ZNF609: variants seen among roughly 807,000 people sequenced by gnomAD.
ZNF609 encodes the protein zinc finger protein 609.
ZNF609 carries 11 observed loss-of-function variants against 109.5 expected under a neutral mutation model. That is an observed-to-expected ratio of 0.10 (90% CI 0.06 to 0.17). ZNF609 has a LOEUF of 0.17. Among genes scored for constraint, ZNF609 ranks in the 10% least tolerant of loss-of-function variants. ZNF609 has a pLI of 1.00. For missense variants in ZNF609, 1,559 were observed against 1,772.4 expected (o/e 0.88, Z 2.16); for synonymous variants, 646 against 662.0 (o/e 0.98, Z 0.37).
intron 2 of ZNF609, among the ~76,000 whole-genome samples, chr15:64,506,075 A>G (rs1206646364): frequency 6.6e-6 from 1 of 152,196 alleles, no homozygotes; most frequent in African/African-American, 2.4e-5. Context: ...AGTGATCTTG[A>G]CCAAGTTTCT....
rs372703964 is a variant in ZNF609, at chr15:64,675,598, G to A, written c.2744G>A (p.Ser915Asn). 5.6e-6 allele frequency: 9 copies of A among 1,614,114 alleles called. No individual in the cohort carries two copies. Among genetic ancestry groups the A allele is most frequent in the African/African-American group, 4.0e-5 (3 of 75,060 alleles). ...QSSPGALNPS[S>N]QAGVESQALK... is the part of the protein sequence containing the mutation. Reference sequence around the variant, plus strand: ...AGCCCTGGGGCTCTGAACCCCAGCAGCCAGGCAGGAGTGGAGAGCCAGGCC... The same window carrying A: ...AGCCCTGGGGCTCTGAACCCCAGCAACCAGGCAGGAGTGGAGAGCCAGGCC... Residue 915 changes from serine (S) to asparagine (N), a missense_variant, in exon 5 of 10, where the codon AGC (serine) becomes AAC (asparagine). Around this residue, in one of 4 missense-constraint regions of ZNF609, gnomAD observed 1,204 missense variants for 1,314.1 expected, o/e 0.92. Transcript: ENST00000326648.
At chr15:64,599,783 A>G (rs1261885515) in intron 2 of ZNF609, among the ~76,000 whole-genome samples, 1 of 152,162 alleles carries the variant, frequency 6.6e-6, no homozygotes, top group Admixed American at 6.6e-5. Flanking sequence ...TCTTTAACCA[A>G]ACCAAGCAGC....
intron 2 of ZNF609, among the ~76,000 whole-genome samples, chr15:64,513,100 A>G (rs778270868): frequency 8.5e-5 from 13 of 152,178 alleles, no homozygotes; most frequent in Non-Finnish European, 1.8e-4. Flanking sequence ...TTACCTATCT[A>G]TCTTCTCAGA....
chr15:64,609,134 T>TCTTTCTTTCTTTCTTTC (rs1895672243), intron 2 of ZNF609, among the ~76,000 whole-genome samples: 1 of 145,058 alleles, frequency 6.9e-6, no homozygotes, highest in East Asian at 2.0e-4. Flanking sequence ...CTTTCTTTTT[T>TCTTTCTTTCTTTCTTTC]TCTTTCTTTT....
At chr15:64,645,105 C>CCCTTCCTTCCTTCCTTCCTTCCTT (rs71133464) in intron 3 of ZNF609, among the ~76,000 whole-genome samples, 1 of 90,790 alleles carries the variant, frequency 1.1e-5, no homozygotes, top group African/African-American at 5.1e-5. Flanking sequence ...CTCCCTCCCT[C>CCCTTCCTTCCTTCCTTCCTTCCTT]CCTTCCTTCC....
chr15:64,517,772 A>C (rs905326145), intron 2 of ZNF609, among the ~76,000 whole-genome samples: 2 of 151,104 alleles, frequency 1.3e-5, no homozygotes, highest in Non-Finnish European at 2.9e-5. Context: ...ATATATAAAT[A>C]AAAATTATAC....
intron 2 of ZNF609, among the ~76,000 whole-genome samples, chr15:64,544,966 T>C (rs920457088): frequency 1.6e-4 from 25 of 152,302 alleles, no homozygotes; most frequent in African/African-American, 5.8e-4. Flanking sequence ...AGCAATGGTT[T>C]CCCTATTATG....
At position 64,535,194 on chromosome 15, in the gene ZNF609, G is replaced by A. The variant is rs144133440; in HGVS notation, c.747+35028G>A. Among the ~76,000 whole-genome samples, 14 of 152,102 alleles carry A rather than the reference G, an allele frequency of 9.2e-5. No homozygotes were observed. In the East Asian group the frequency reaches 1.9e-3, roughly 21 times the overall value. On this transcript the variant is annotated intron_variant, in intron 2 of 9. Transcript: ENST00000326648. ...GCCTCAACCTCCCAAGTAGCTAGGC[G>A]CATGCCACCACCCCTGATTAATTTT... is the stretch of plus-strand genomic sequence containing the variant.
chr15:64,464,146 C>T (rs1476288808), intron 1 of ZNF609, among the ~76,000 whole-genome samples: 1 of 152,142 alleles, frequency 6.6e-6, no homozygotes, highest in Non-Finnish European at 1.5e-5. Context: ...ATAATTTTGG[C>T]TCCTGGTAGC....
chr15:64,498,453 A>G (rs1893513999), intron 1 of ZNF609, among the ~76,000 whole-genome samples: 1 of 152,198 alleles, frequency 6.6e-6, no homozygotes, highest in African/African-American at 2.4e-5. Flanking sequence ...TGCCATCAGT[A>G]TTACATGAGA....
chr15:64,661,671 C>T (rs961523636), intron 3 of ZNF609, among the ~76,000 whole-genome samples: 1 of 152,166 alleles, frequency 6.6e-6, no homozygotes, highest in Non-Finnish European at 1.5e-5. Flanking sequence ...TGAGGGCAAG[C>T]ATCTGGCCTT....
chr15:64,478,271 G>A (rs1472113434), intron 1 of ZNF609, among the ~76,000 whole-genome samples: 2 of 151,588 alleles, frequency 1.3e-5, no homozygotes, highest in Non-Finnish European at 2.9e-5. Context: ...GTGATCATAA[G>A]TGTGCCATGG....
chr15:64,580,002 T>C (rs930036595), intron 2 of ZNF609, among the ~76,000 whole-genome samples: 3 of 152,232 alleles, frequency 2.0e-5, no homozygotes, highest in Non-Finnish European at 4.4e-5. Context: ...AGAGATTTTA[T>C]AGATGTGATT....
chr15:64,657,662 G>A (rs985880412), intron 3 of ZNF609, among the ~76,000 whole-genome samples: 2 of 152,082 alleles, frequency 1.3e-5, no homozygotes, highest in Admixed American at 6.6e-5. Context: ...ATAGTTTACC[G>A]CCTGGATTGA....
intron 3 of ZNF609, among the ~76,000 whole-genome samples, chr15:64,630,235 C>G (rs1235353832): frequency 1.3e-5 from 2 of 151,790 alleles, no homozygotes; most frequent in Non-Finnish European, 2.9e-5. Flanking sequence ...CCACACCCAG[C>G]TAATTTTTGT....
chr15:64,573,752 A>G (rs1894902512), intron 2 of ZNF609, among the ~76,000 whole-genome samples: 1 of 152,080 alleles, frequency 6.6e-6, no homozygotes, highest in Non-Finnish European at 1.5e-5. Flanking sequence ...CTTTGCCTGC[A>G]TATGTGGGTT....
rs192788891 is a variant in ZNF609 at position 64,596,113 on chromosome 15, A to T, written c.748-26714A>T. Among the ~76,000 whole-genome samples the T allele has an allele frequency of 3.3e-5, 5 of 152,266 alleles. No homozygotes were observed. In the East Asian group the frequency reaches 9.6e-4, roughly 29 times the overall value. On this transcript the variant is annotated intron_variant, in intron 2 of 9. Transcript: ENST00000326648. ...TCCATGGTGTGTCTAGTAATATGAA[A>T]TGAAATATGGACCTCAAATATATAA... is the stretch of plus-strand genomic sequence containing the variant.
At chr15:64,519,869 C>T (rs965580122) in intron 2 of ZNF609, among the ~76,000 whole-genome samples, 1 of 152,108 alleles carries the variant, frequency 6.6e-6, no homozygotes, top group African/African-American at 2.4e-5. Context: ...ATTACCTCTC[C>T]GTATCTCATT....
intron 2 of ZNF609, among the ~76,000 whole-genome samples, chr15:64,527,330 A>G (rs1443435968): frequency 1.4e-5 from 2 of 148,010 alleles, no homozygotes; most frequent in East Asian, 3.9e-4. Flanking sequence ...TTTCTTCTGT[A>G]AAGATGGAGG....
Sources: allele counts gnomAD v4.1 joint callset (sites outside exome capture counted in the v4.1 genomes callset), GRCh38; gene constraint gnomAD v4.1.1; regional missense constraint gnomAD v4.1.1; transcripts MANE v1.5; gene names NCBI Gene and HGNC (gene_info 2026-07-23, HGNC 2026-07-21).